CYP27A1: variants seen among roughly 807,000 people sequenced by gnomAD.
CYP27A1 encodes cytochrome P450 family 27 subfamily A member 1, also known as sterol 26-hydroxylase, mitochondrial.
Under a neutral mutation model 58.2 loss-of-function variants are expected in CYP27A1, and 46 were observed. The observed-to-expected ratio is 0.79, with a 90% confidence interval of 0.62 to 1.01. The LOEUF is 1.01. CYP27A1 is among the 50% of genes least tolerant of loss of function. The pLI is 0.00. For synonymous variants in CYP27A1, 274 were observed against 285.1 expected (o/e 0.96, Z 0.39); for missense variants, 704 against 687.0 (o/e 1.02, Z -0.28).
intron 1 of CYP27A1, among the ~76,000 whole-genome samples, chr2:218,793,169 G>C (rs553549407): frequency 1.3e-5 from 2 of 152,272 alleles, no homozygotes; most frequent in South Asian, 4.1e-4. Context: ...TCCGCTTCCT[G>C]GGTTCAAGTG....
intron 1 of CYP27A1, among the ~76,000 whole-genome samples, chr2:218,789,458 A>G (rs552307135): frequency 2.0e-5 from 3 of 152,326 alleles, no homozygotes; most frequent in African/African-American, 4.8e-5. Flanking sequence ...CAGAAAAAGG[A>G]AAGTGACATA....
chr2:218,782,353 A>G lies in CYP27A1; in HGVS notation c.171A>G (p.Leu57=). 6.2e-7 allele frequency: 1 copy of G among 1,614,094 alleles called. No individual in the cohort carries two copies. The highest frequency in any genetic ancestry group is 8.5e-7 in the Non-Finnish European group (1 of 1,179,954). ...GTGTCCGGCGGCGGCAACGGAGCTTAGAGGAGATTCCACGTCTAGGACAGC... is the reference window on the plus strand; with the variant it reads ...GTGTCCGGCGGCGGCAACGGAGCTTGGAGGAGATTCCACGTCTAGGACAGC... ...GPGVRRRQRS[L]EEIPRLGQLR... is the part of the protein sequence containing the mutation. The change falls in exon 1 of 9, where the codon TTA becomes TTG. Residue 57 remains leucine, a synonymous_variant. Transcript: ENST00000258415. This position sits in a 1 kb window ranked among gnomAD's most constrained non-coding sequence, Gnocchi z 4.1.
In CYP27A1 at chr2:218,812,399, C is replaced by T. The variant is rs200060245; in HGVS notation, c.624C>T (p.Leu208=). 41 of 1,614,070 alleles carry T rather than the reference C, an allele frequency of 2.5e-5. No individual in the cohort carries two copies. Among genetic ancestry groups the T allele is most frequent in the Non-Finnish European group, 3.4e-5 (40 of 1,180,036 alleles). The stretch of plus-strand genomic sequence containing the variant: ...ACCAGGTGTCGGACATGGCTCAACT[C>T]TTCTACTACTTTGCCTTGGAAGGTA... The part of the protein sequence containing the change: ...SGNQVSDMAQ[L]FYYFALEAIC... The change falls in exon 3 of 9, where the codon CTC becomes CTT. Residue 208 remains leucine (L), a synonymous_variant. Coordinates refer to ENST00000258415, the MANE Select transcript of CYP27A1 (RefSeq NM_000784.4).
chr2:218,799,015 T>C (rs1943574200), intron 1 of CYP27A1, among the ~76,000 whole-genome samples: 1 of 152,220 alleles, frequency 6.6e-6, no homozygotes, highest in Admixed American at 6.5e-5. Context: ...CTGAAGTCCC[T>C]AGAAGGGGAA....
At chr2:218,791,059 C>T (rs1031883946) in intron 1 of CYP27A1, among the ~76,000 whole-genome samples, 1 of 152,092 alleles carries the variant, frequency 6.6e-6, no homozygotes, top group Non-Finnish European at 1.5e-5. Context: ...TGGTCTTGAA[C>T]ACCTGACTTC....
intron 1 of CYP27A1, among the ~76,000 whole-genome samples, chr2:218,788,483 A>G (rs1943460144): frequency 6.6e-6 from 1 of 152,150 alleles, no homozygotes; most frequent in African/African-American, 2.4e-5. Flanking sequence ...TCTTAATGGG[A>G]GGCATGTCAA....
intron 5 of CYP27A1, among the ~76,000 whole-genome samples, chr2:218,813,435 GT>G (rs901996096): frequency 3.3e-5 from 5 of 151,578 alleles, no homozygotes; most frequent in African/African-American, 1.2e-4. Context: ...TTTCTTTTTT[GT>G]TTTTTTTAAG....
chr2:218,787,107 C>T (rs1166473092), intron 1 of CYP27A1, among the ~76,000 whole-genome samples: 1 of 152,144 alleles, frequency 6.6e-6, no homozygotes, highest in Non-Finnish European at 1.5e-5. Flanking sequence ...TATCTTGTTT[C>T]TTATCATCAC....
intron 1 of CYP27A1, among the ~76,000 whole-genome samples, chr2:218,800,475 T>C (rs538706564): frequency 1.3e-5 from 2 of 152,324 alleles, no homozygotes; most frequent in African/African-American, 4.8e-5. Flanking sequence ...ACAAGCACTT[T>C]CTTTTCCTAT....
chr2:218,795,635 G>A (rs1943540952), intron 1 of CYP27A1, among the ~76,000 whole-genome samples: 1 of 152,178 alleles, frequency 6.6e-6, no homozygotes, highest in Admixed American at 6.5e-5. Context: ...CTGAGCTGCA[G>A]CCAAAGATTG....
chr2:218,812,134 G>A (rs767081775), intron 2 of CYP27A1, 88 bp from the exon 3 acceptor site: 52 of 936,588 alleles, frequency 5.6e-5, no homozygotes, highest in Non-Finnish European at 8.5e-5. Flanking sequence ...CTGGATGGAG[G>A]GGGTGGTGGA....
chr2:218,805,410 G>A (rs1365303620), intron 1 of CYP27A1, among the ~76,000 whole-genome samples: 1 of 152,068 alleles, frequency 6.6e-6, no homozygotes, highest in Non-Finnish European at 1.5e-5. Flanking sequence ...CCAACAATTT[G>A]GGATGTCATA....
chr2:218,810,285 GA>G (rs796279209), intron 2 of CYP27A1, among the ~76,000 whole-genome samples: 2,024 of 135,960 alleles, frequency 0.015, 35 homozygotes, highest in African/African-American at 0.05. Flanking sequence ...TCTCAAAAAA[GA>G]AAAAAAAAAA....
At chr2:218,814,515 G>A (rs188379599) in intron 7 of CYP27A1, 30 bp from the exon 8 acceptor site, 183 of 1,613,660 alleles carry the variant, frequency 1.1e-4, no homozygotes, top group East Asian at 1.0e-3. Flanking sequence ...CCGAAGAGAG[G>A]CATTCATGCT....
At chr2:218,784,230 G>A (rs771262344) in intron 1 of CYP27A1, among the ~76,000 whole-genome samples, 3 of 152,206 alleles carry the variant, frequency 2.0e-5, no homozygotes, top group African/African-American at 4.8e-5. Flanking sequence ...GCTCATGTTT[G>A]TGAGACTTGG....
In CYP27A1 at chr2:218,814,621, A is replaced by C; in HGVS notation, c.1340A>C (p.His447Pro). Residue 447 changes from histidine to proline, a missense_variant, in exon 8 of 9, where the codon CAC becomes CCC. By Grantham distance (77) the His-to-Pro change is moderately conservative. Coordinates refer to ENST00000258415, the MANE Select transcript of CYP27A1 (RefSeq NM_000784.4). The stretch of plus-strand genomic sequence containing the variant: ...TCTGAGCCTGAAAGCTTCCAGCCCC[A>C]CCGCTGGCTGAGAAACAGCCAGCCT... ...AFSEPESFQP[H>P]RWLRNSQPAT... 1 of 1,614,098 alleles carries C rather than the reference A, an allele frequency of 6.2e-7. No homozygotes were observed. Among genetic ancestry groups the C allele is most frequent in the Non-Finnish European group, 8.5e-7 (1 of 1,180,004 alleles).
chr2:218,808,818 T>C (rs1195252807), intron 1 of CYP27A1, among the ~76,000 whole-genome samples: 1 of 152,218 alleles, frequency 6.6e-6, no homozygotes, highest in Non-Finnish European at 1.5e-5. Flanking sequence ...ACTATAAGAC[T>C]ATCATAGCAA....
At chr2:218,790,497 C>T (rs1426188759) in intron 1 of CYP27A1, among the ~76,000 whole-genome samples, 1 of 152,114 alleles carries the variant, frequency 6.6e-6, no homozygotes, top group Non-Finnish European at 1.5e-5. Context: ...TTTGTTAATC[C>T]CCTACAACTG....
rs1446435580 is a variant in CYP27A1 at position 218,809,611 on chromosome 2, T to G, written c.290T>G (p.Met97Arg). ...LYKAKYGPMW[M>R]SYLGPQMHVN... is the part of the protein sequence containing the mutation. ...AAGGCCAAGTACGGTCCAATGTGGATGTCCTACTTAGGGCCTCAGATGCAC... is the reference window on the plus strand; with the variant it reads ...AAGGCCAAGTACGGTCCAATGTGGAGGTCCTACTTAGGGCCTCAGATGCAC... The change falls in exon 2 of 9, where the codon ATG becomes AGG. Residue 97 changes from methionine (M) to arginine (R), a missense_variant. Met to Arg is a moderately conservative substitution (Grantham distance 91, BLOSUM62 -1). Coordinates refer to ENST00000258415, the MANE Select transcript of CYP27A1 (RefSeq NM_000784.4). The G allele has an allele frequency of 6.2e-7, 1 of 1,614,164 alleles. No homozygotes were observed. The highest frequency in any genetic ancestry group is 1.7e-5 in the Admixed American group (1 of 60,012).
Sources: allele counts gnomAD v4.1 joint callset (sites outside exome capture counted in the v4.1 genomes callset), GRCh38; gene constraint gnomAD v4.1.1; non-coding constraint Gnocchi (gnomAD v3.1); transcripts MANE v1.5; gene names NCBI Gene and HGNC (gene_info 2026-07-23, HGNC 2026-07-21).